Variants in SEMA5A observed in about 807,000 individuals in gnomAD.
The protein encoded by SEMA5A is semaphorin-5A.
A neutral mutation model predicts 135.5 loss-of-function variants in SEMA5A; 55 were observed. That is an observed-to-expected ratio of 0.41 (90% CI 0.33 to 0.51). The LOEUF (loss-of-function observed/expected upper bound fraction) is 0.51, where lower values mean the gene tolerates loss of function less well. SEMA5A is among the 20% of genes least tolerant of loss of function. The pLI is 0.37. For synonymous variants in SEMA5A, 580 were observed against 546.5 expected (o/e 1.06, Z -0.85); for missense variants, 1,290 against 1,419.9 (o/e 0.91, Z 1.47).
chr5:9,477,376 C>T (rs966300931), intron 1 of SEMA5A, among the ~76,000 whole-genome samples: 7 of 152,206 alleles, frequency 4.6e-5, no homozygotes, highest in Admixed American at 1.3e-4. Context: ...CTTTGAACTG[C>T]GTAATGGGCA....
intron 11 of SEMA5A, among the ~76,000 whole-genome samples, chr5:9,162,222 C>G (rs889124143): frequency 2.6e-5 from 4 of 152,112 alleles, no homozygotes; most frequent in African/African-American, 9.7e-5. Flanking sequence ...ACCTCCCAAA[C>G]AGAAACACTG....
intron 2 of SEMA5A, among the ~76,000 whole-genome samples, chr5:9,383,368 C>T (rs1231443334): frequency 6.6e-6 from 1 of 152,144 alleles, no homozygotes; most frequent in Non-Finnish European, 1.5e-5. Context: ...GTTTGGGGCA[C>T]CCATATCAGT....
intron 2 of SEMA5A, among the ~76,000 whole-genome samples, chr5:9,402,319 G>A (rs1027593401): frequency 6.6e-6 from 1 of 152,232 alleles, no homozygotes; most frequent in African/African-American, 2.4e-5. Flanking sequence ...TTTCACAAGA[G>A]ATGCTATGAC....
At chr5:9,497,236 A>G (rs1157888818) in intron 1 of SEMA5A, among the ~76,000 whole-genome samples, 2 of 152,228 alleles carry the variant, frequency 1.3e-5, no homozygotes, top group East Asian at 1.9e-4. Context: ...CAGCCTCTAT[A>G]TAGTCAGCAT....
intron 2 of SEMA5A, among the ~76,000 whole-genome samples, chr5:9,396,749 G>A (rs982206365): frequency 6.6e-6 from 1 of 152,094 alleles, no homozygotes; most frequent in Non-Finnish European, 1.5e-5. Flanking sequence ...TGCAAGCCTC[G>A]GTTTTCTTCT....
At chr5:9,069,775 T>C (rs1306528697) in intron 16 of SEMA5A, among the ~76,000 whole-genome samples, 2 of 152,218 alleles carry the variant, frequency 1.3e-5, no homozygotes, top group Admixed American at 1.3e-4. Context: ...CTTGTGTTTA[T>C]AGCATCTTTT....
chr5:9,416,453 G>A (rs1039118006), intron 2 of SEMA5A, among the ~76,000 whole-genome samples: 3 of 152,144 alleles, frequency 2.0e-5, no homozygotes, highest in African/African-American at 7.2e-5. Flanking sequence ...CTCTGGTGGG[G>A]TGGTGCGGAA....
intron 8 of SEMA5A, among the ~76,000 whole-genome samples, chr5:9,216,606 T>C (rs1272516408): frequency 6.6e-6 from 1 of 152,158 alleles, no homozygotes; most frequent in African/African-American, 2.4e-5. Context: ...CACATTATTA[T>C]TGTGTGTGAG....
At chr5:9,314,930 G>A (rs1752326275) in intron 5 of SEMA5A, among the ~76,000 whole-genome samples, 2 of 152,076 alleles carry the variant, frequency 1.3e-5, no homozygotes, top group South Asian at 2.1e-4. Context: ...CTCTCACCAC[G>A]TGGTGGTACT....
chr5:9,474,784 C>T (rs962833455), intron 1 of SEMA5A, among the ~76,000 whole-genome samples: 2 of 152,172 alleles, frequency 1.3e-5, no homozygotes, highest in African/African-American at 4.8e-5. Context: ...CTCACCCCCT[C>T]GCCCGAGACA....
rs949840949 is a variant in SEMA5A at position 9,054,199 on chromosome 5, A to G, written c.2577T>C (p.Gly859=). The change falls in exon 19 of 23, where the codon GGT becomes GGC. Residue 859 remains glycine (G), a synonymous_variant. Transcript: ENST00000382496. ...PWTKCSATCG[G]GHYMRTRSCS... ...AAGAGCGGGTCCTCATATAGTGTCC[A>G]CCGCCGCATGTTGCTGAACATTTTG... The G allele has an allele frequency of 6.2e-7, 1 of 1,613,972 alleles. No homozygotes were observed. The highest frequency in any genetic ancestry group is 8.5e-7 in the Non-Finnish European group (1 of 1,180,004).
At chr5:9,147,425 C>T (rs1742398480) in intron 12 of SEMA5A, among the ~76,000 whole-genome samples, 2 of 151,990 alleles carry the variant, frequency 1.3e-5, no homozygotes, top group African/African-American at 2.4e-5. Flanking sequence ...GCTTGTGCCA[C>T]CAAGCCCAGC....
chr5:9,421,215 A>G (rs755164626), intron 2 of SEMA5A, among the ~76,000 whole-genome samples: 1 of 152,212 alleles, frequency 6.6e-6, no homozygotes, highest in East Asian at 1.9e-4. Context: ...GTATTCAGAC[A>G]TGGGGGATGG....
At chr5:9,522,564 C>A (rs985887356) in intron 1 of SEMA5A, among the ~76,000 whole-genome samples, 6 of 151,896 alleles carry the variant, frequency 4.0e-5, no homozygotes, top group Non-Finnish European at 8.8e-5. Flanking sequence ...GCAACAAGAG[C>A]AAAACTCCAT....
chr5:9,372,182 C>A (rs1362631135), intron 3 of SEMA5A, among the ~76,000 whole-genome samples: 1 of 152,200 alleles, frequency 6.6e-6, no homozygotes. Context: ...TCGAGGAATC[C>A]TCTACTGCAG....
At chr5:9,166,678 C>G (rs1467245619) in intron 11 of SEMA5A, among the ~76,000 whole-genome samples, 2 of 152,118 alleles carry the variant, frequency 1.3e-5, no homozygotes, top group African/African-American at 4.8e-5. Flanking sequence ...CTTGCAGTAC[C>G]CTAAATCATA....
At chr5:9,353,111 GGAAAGGAAAGGAAAGGAAA>G (rs1754227507) in intron 3 of SEMA5A, among the ~76,000 whole-genome samples, 2 of 12,798 alleles carry the variant, frequency 1.6e-4, no homozygotes. Context: ...GGAAAGGAAA[GGAAAGGAAAGGAAAGGAAA>G]GGAAAGGAAA....
At chr5:9,094,982 T>C (rs1739240195) in intron 16 of SEMA5A, among the ~76,000 whole-genome samples, 1 of 151,874 alleles carries the variant, frequency 6.6e-6, no homozygotes, top group Admixed American at 6.6e-5. Context: ...AAATATGCCA[T>C]GGAGGGAAAT....
intron 8 of SEMA5A, among the ~76,000 whole-genome samples, chr5:9,219,601 A>G (rs1746819602): frequency 6.6e-6 from 1 of 152,194 alleles, no homozygotes; most frequent in African/African-American, 2.4e-5. Flanking sequence ...AGGGAAGACC[A>G]TGTTTAGAAG....
Sources: allele counts gnomAD v4.1 joint callset (sites outside exome capture counted in the v4.1 genomes callset), GRCh38; gene constraint gnomAD v4.1.1; transcripts MANE v1.5; gene names NCBI Gene and HGNC (gene_info 2026-07-23, HGNC 2026-07-21).